The following RANBP2 variants were observed in gnomAD, a reference collection of about 807,000 sequenced individuals.
The protein encoded by RANBP2 is E3 SUMO-protein ligase RanBP2.
Under a neutral mutation model 303.6 loss-of-function variants are expected in RANBP2, and 57 were observed. That is an observed-to-expected ratio of 0.19 (90% CI 0.15 to 0.23). The LOEUF is 0.23. Ranked by LOEUF, RANBP2 falls within the 10% of genes least tolerant of loss-of-function variation. RANBP2 has a pLI of 1.00. For synonymous variants in RANBP2, 1,167 were observed against 1,301.5 expected (o/e 0.90, Z 2.23); for missense variants, 3,138 against 3,780.8 (o/e 0.83, Z 4.46).
At chr2:109,391,171 C>T in the RANBP2 span, among the ~76,000 whole-genome samples, 1 of 152,260 alleles carries the variant, frequency 6.6e-6, no homozygotes, top group African/African-American at 2.4e-5. Context: ...TGTACTCAGG[C>T]TTTACGTGCA....
At chr2:109,001,733 T>C in the RANBP2 span, among the ~76,000 whole-genome samples, 1 of 152,110 alleles carries the variant, frequency 6.6e-6, no homozygotes, top group Non-Finnish European at 1.5e-5. Context: ...TTTTTGTTTG[T>C]TTGTTTGTTT....
At chr2:109,763,116 A>G in the RANBP2 span, among the ~76,000 whole-genome samples, 1 of 150,098 alleles carries the variant, frequency 6.7e-6, no homozygotes, top group African/African-American at 2.4e-5. Context: ...TGGAAAGGGT[A>G]AGTAAGTGGT....
the RANBP2 span, among the ~76,000 whole-genome samples, chr2:109,170,329 CCT>C: frequency 6.9e-6 from 1 of 144,414 alleles, no homozygotes; most frequent in Non-Finnish European, 1.5e-5. Context: ...CTCTCTCTCT[CCT>C]CTCTCTCTCT....
the RANBP2 span, among the ~76,000 whole-genome samples, chr2:109,183,654 G>C: frequency 6.6e-6 from 1 of 152,160 alleles, no homozygotes; most frequent in Non-Finnish European, 1.5e-5. Context: ...CTCACTCTTT[G>C]ATTCTGAAAA....
At chr2:108,796,945 T>C in the RANBP2 span, among the ~76,000 whole-genome samples, 2 of 152,200 alleles carry the variant, frequency 1.3e-5, no homozygotes, top group East Asian at 3.9e-4. Flanking sequence ...TTATTGTATA[T>C]TTTAAAGTGG....
At chr2:109,078,096 A>ATATATATATATATATATATAGCG in the RANBP2 span, among the ~76,000 whole-genome samples, 36 of 54,632 alleles carry the variant, frequency 6.6e-4, 1 homozygote, top group African/African-American at 2.5e-3. Context: ...ATATATATAT[A>ATATATATATATATATATATAGCG]TATATATATA....
At chr2:108,799,736 G>T in the RANBP2 span, among the ~76,000 whole-genome samples, 4 of 152,048 alleles carry the variant, frequency 2.6e-5, no homozygotes, top group East Asian at 7.7e-4. Flanking sequence ...TTTCTTTCTT[G>T]TCTTCTCTTG....
chr2:109,398,082 A>G, the RANBP2 span, among the ~76,000 whole-genome samples: 1 of 152,220 alleles, frequency 6.6e-6, no homozygotes, highest in Non-Finnish European at 1.5e-5. Flanking sequence ...TGACCAGAGC[A>G]GACTCCCCTG....
downstream of RANBP2, among the ~76,000 whole-genome samples, chr2:108,790,074 A>G (rs1353296000): frequency 6.6e-6 from 1 of 152,144 alleles, no homozygotes; most frequent in African/African-American, 2.4e-5. Context: ...CTCTTTCTCT[A>G]CTTAAATAAG....
the RANBP2 span, among the ~76,000 whole-genome samples, chr2:109,727,434 G>A: frequency 6.6e-6 from 1 of 152,178 alleles, no homozygotes; most frequent in Non-Finnish European, 1.5e-5. Flanking sequence ...CTAGTAGTGG[G>A]TGGAGCTGGG....
chr2:109,585,826 T>C, the RANBP2 span: 2 of 1,613,600 alleles, frequency 1.2e-6, no homozygotes, highest in Non-Finnish European at 1.7e-6. Context: ...AACGAACGAA[T>C]GTTTTCTCTT....
At chr2:108,899,910 T>C in the RANBP2 span, among the ~76,000 whole-genome samples, 3 of 151,962 alleles carry the variant, frequency 2.0e-5, no homozygotes, top group African/African-American at 7.2e-5. Context: ...CGCTTGAACC[T>C]GGGAGGCGGA....
chr2:109,617,230 C>T, the RANBP2 span: 1 of 166,850 alleles, frequency 6.0e-6, no homozygotes, highest in South Asian at 2.1e-4. Context: ...AGATACCTAT[C>T]CTGTAGTTAC....
chr2:109,304,888 C>T, the RANBP2 span, among the ~76,000 whole-genome samples: 20 of 152,240 alleles, frequency 1.3e-4, no homozygotes, highest in African/African-American at 3.6e-4. Context: ...CATGGGGTGA[C>T]GCTGCTGAGG....
At chr2:109,409,012 G>A in the RANBP2 span, among the ~76,000 whole-genome samples, 3 of 152,176 alleles carry the variant, frequency 2.0e-5, no homozygotes, top group African/African-American at 4.8e-5. Flanking sequence ...GGGAAGCCCC[G>A]GGTAGGCGAG....
the RANBP2 span, among the ~76,000 whole-genome samples, chr2:109,377,053 T>C: frequency 6.6e-6 from 1 of 152,232 alleles, no homozygotes; most frequent in Non-Finnish European, 1.5e-5. Context: ...TTTGCTGCCT[T>C]TGGATTTGGC....
the RANBP2 span, among the ~76,000 whole-genome samples, chr2:108,921,842 A>G: frequency 6.6e-6 from 1 of 152,222 alleles, no homozygotes; most frequent in Admixed American, 6.5e-5. Flanking sequence ...GCCTTGCCCA[A>G]GGGGCCTCTA....
At chr2:109,685,432 T>C in the RANBP2 span, among the ~76,000 whole-genome samples, 3 of 152,244 alleles carry the variant, frequency 2.0e-5, no homozygotes, top group African/African-American at 4.8e-5. Flanking sequence ...CCAGTTTACA[T>C]ACTCACAAGC....
At chr2:109,701,668 C>G in the RANBP2 span, among the ~76,000 whole-genome samples, 1 of 152,064 alleles carries the variant, frequency 6.6e-6, no homozygotes, top group Admixed American at 6.6e-5. Flanking sequence ...GAGTTCTGTC[C>G]GCTCTTTGTC....
Sources: allele counts gnomAD v4.1 joint callset (sites outside exome capture counted in the v4.1 genomes callset), GRCh38; gene constraint gnomAD v4.1.1; transcripts MANE v1.5; gene names NCBI Gene and HGNC (gene_info 2026-07-23, HGNC 2026-07-21).